Variants in DDX60 observed in about 807,000 individuals in gnomAD.
DDX60 encodes the protein DExD/H-box helicase 60.
In DDX60, 165 loss-of-function variants were observed where a neutral mutation model predicts 212.8. The ratio of observed to expected loss-of-function variants is 0.78; its 90% CI spans 0.68 to 0.88. The LOEUF (loss-of-function observed/expected upper bound fraction) is 0.88, where lower values mean the gene tolerates loss of function less well. Ranked by LOEUF, DDX60 falls within the 40% of genes least tolerant of loss-of-function variation. The pLI, the probability that DDX60 is intolerant of heterozygous loss-of-function variation, is 0.00. For missense variants in DDX60, 1,905 were observed against 2,003.9 expected (o/e 0.95, Z 0.94); for synonymous variants, 703 against 685.3 (o/e 1.03, Z -0.40).
chr4:168,250,898 C>A, intron 28 of DDX60, 56 bp downstream of exon 28: 2 of 1,380,312 alleles, frequency 1.4e-6, no homozygotes, highest in Non-Finnish European at 1.0e-6. Flanking sequence ...TTTTCCTGAA[C>A]ATTCAGCTTG....
At chr4:168,230,899 ACTAAAAGCTGGTT>A (rs1473307740) in intron 33 of DDX60, among the ~76,000 whole-genome samples, 1 of 152,036 alleles carries the variant, frequency 6.6e-6, no homozygotes, top group Non-Finnish European at 1.5e-5. Context: ...GATAAATGAA[ACTAAAAGCTGGTT>A]CTTTGAAAAA....
At chr4:168,284,416 T>G (rs1735729933) in intron 12 of DDX60, among the ~76,000 whole-genome samples, 1 of 152,192 alleles carries the variant, frequency 6.6e-6, no homozygotes, top group South Asian at 2.1e-4. Flanking sequence ...TGGGCCTCCT[T>G]CTGTAGTTTC....
chr4:168,222,812 C>T (rs921725407), intron 35 of DDX60, among the ~76,000 whole-genome samples: 5 of 151,894 alleles, frequency 3.3e-5, no homozygotes, highest in Non-Finnish European at 5.9e-5. Context: ...CACATACGCA[C>T]GAGACATCCA....
chr4:168,314,920 G>A (rs608046), intron 1 of DDX60, among the ~76,000 whole-genome samples: 66,150 of 151,932 alleles, frequency 0.44, 15,658 homozygotes, highest in African/African-American at 0.64. Flanking sequence ...AGAAAACTAC[G>A]CCTAGGCACA....
intron 37 of DDX60, among the ~76,000 whole-genome samples, chr4:168,219,550 C>T (rs1365322905): frequency 6.6e-6 from 1 of 152,068 alleles, no homozygotes; most frequent in Non-Finnish European, 1.5e-5. Flanking sequence ...TTTCCTTCTG[C>T]TCCCAAAAGT....
intron 28 of DDX60, 43 bp downstream of exon 28, chr4:168,250,911 A>G: frequency 6.8e-7 from 1 of 1,461,844 alleles, no homozygotes; most frequent in Non-Finnish European, 9.4e-7. Context: ...TCAGCTTGAA[A>G]CAGTCACAAT....
intron 12 of DDX60, among the ~76,000 whole-genome samples, chr4:168,284,169 A>T (rs1348750898): frequency 6.6e-6 from 1 of 152,166 alleles, no homozygotes; most frequent in African/African-American, 2.4e-5. Context: ...CACATATCAC[A>T]CCAGACCACT....
Position 168,318,686 on chromosome 4 carries a change from AAC to A in DDX60, c.-173_-172del, listed in dbSNP as rs1737518046. 1 of 152,332 alleles carries A rather than the reference AAC, an allele frequency of 6.6e-6. No individual in the cohort carries two copies. Among genetic ancestry groups the A allele is most frequent in the South Asian group, 2.1e-4 (1 of 4,832 alleles). The allele number at this position is 152,332 out of a possible 1,614,324, so 9.4% of individuals were successfully genotyped here. Reference sequence around the variant, plus strand: ...TGCGCGCCCCGCGGGGAGGGAGTGAAACAGAGACCTAGCGCAGAGCCCAGGTG... The same window carrying A: ...TGCGCGCCCCGCGGGGAGGGAGTGAAAGAGACCTAGCGCAGAGCCCAGGTG... On this transcript the variant is annotated 5_prime_UTR_variant, in exon 1 of 38. Coordinates refer to ENST00000393743, the MANE Select transcript of DDX60 (RefSeq NM_017631.6).
chr4:168,291,597 G>A (rs28403868), intron 8 of DDX60, 151 bp downstream of exon 8: 142,025 of 513,916 alleles, frequency 0.28, 20,426 homozygotes, highest in South Asian at 0.37. Context: ...CATAGATGCT[G>A]AAATTGGAAA....
intron 28 of DDX60, among the ~76,000 whole-genome samples, chr4:168,248,748 T>C (rs1029156331): frequency 2.0e-5 from 3 of 151,018 alleles, no homozygotes; most frequent in African/African-American, 4.9e-5. Context: ...TGACAACTGA[T>C]AGGTGTTCAG....
intron 36 of DDX60, 52 bp from the exon 37 acceptor site, chr4:168,220,769 C>T: frequency 2.1e-6 from 2 of 968,926 alleles, no homozygotes; most frequent in Non-Finnish European, 2.9e-6. Context: ...TAAAGAACAT[C>T]CTATTTTATA....
At chr4:168,234,671 C>G (rs1733570660) in intron 33 of DDX60, among the ~76,000 whole-genome samples, 1 of 151,926 alleles carries the variant, frequency 6.6e-6, no homozygotes. Flanking sequence ...AATTACCGAC[C>G]TCTTTTCTTC....
At chr4:168,264,695 T>C (rs1457623931) in intron 22 of DDX60, among the ~76,000 whole-genome samples, 1 of 152,186 alleles carries the variant, frequency 6.6e-6, no homozygotes, top group East Asian at 1.9e-4. Context: ...CTTAGTAAAA[T>C]GCCTGGCATA....
chr4:168,302,080 A>G (rs492348), intron 6 of DDX60, among the ~76,000 whole-genome samples: 29,162 of 152,136 alleles, frequency 0.19, 2,891 homozygotes, highest in Middle Eastern at 0.29. Flanking sequence ...AAGAGACATG[A>G]GTGGAAAAGT....
chr4:168,281,816 C>G (rs1236773794), intron 13 of DDX60, among the ~76,000 whole-genome samples: 1 of 152,140 alleles, frequency 6.6e-6, no homozygotes, highest in Non-Finnish European at 1.5e-5. Context: ...ACAAATAATT[C>G]TAATCAATAA....
At position 168,251,954 on chromosome 4, in the gene DDX60, T is replaced by C. The variant is rs369370877; in HGVS notation, c.3705+555A>G. The stretch of plus-strand genomic sequence containing the variant: ...TCTTCAAATTTGTCTACTATAAGCA[T>C]GAGTAATTTGCATTTTAAAAGGTTT... On this transcript the variant is annotated intron_variant, in intron 27 of 37. Transcript: ENST00000393743. Among the ~76,000 whole-genome samples, 76 of 152,344 alleles carry C rather than the reference T, an allele frequency of 5.0e-4. 1 individual carries two copies. The South Asian group carries it at 0.012, about 24-fold the overall frequency.
chr4:168,220,648 AAC>A lies in DDX60; in HGVS notation c.5039+5_5039+6del. ...ATCTAAAATCAATATTTAAATATAT[AAC>A]ACACCTGATAGATTTAATGGTGAGT... On this transcript the variant is annotated splice_donor_5th_base_variant and intron_variant, in intron 37 of 37. Transcript: ENST00000393743. 2 of 1,370,756 alleles carry A rather than the reference AAC, an allele frequency of 1.5e-6. No individual in the cohort carries two copies. Among genetic ancestry groups the A allele is most frequent in the Non-Finnish European group, 2.0e-6 (2 of 1,010,166 alleles). 84.9% of individuals were successfully genotyped at this position (1,370,756 alleles called of 1,614,324 possible). A position where few individuals can be genotyped will look rare whatever the true frequency, so the allele number is the denominator to read the frequency against.
At chr4:168,230,726 A>G (rs74420605) in intron 33 of DDX60, among the ~76,000 whole-genome samples, 90 of 152,260 alleles carry the variant, frequency 5.9e-4, no homozygotes, top group African/African-American at 2.0e-3. Context: ...AAATGCCTAC[A>G]TCAAAAAGTC....
intron 19 of DDX60, among the ~76,000 whole-genome samples, chr4:168,269,414 C>T (rs1432648033): frequency 1.3e-5 from 2 of 151,984 alleles, no homozygotes; most frequent in African/African-American, 2.4e-5. Context: ...CTGGCTAACA[C>T]AGTGAAACCC....
Sources: allele counts gnomAD v4.1 joint callset (sites outside exome capture counted in the v4.1 genomes callset), GRCh38; gene constraint gnomAD v4.1.1; transcripts MANE v1.5; gene names NCBI Gene and HGNC (gene_info 2026-07-23, HGNC 2026-07-21).